The following ANKRD44 variants were observed in gnomAD, a reference collection of about 807,000 sequenced individuals.
ANKRD44 encodes the protein serine/threonine-protein phosphatase 6 regulatory ankyrin repeat subunit B.
Under a neutral mutation model 116.0 loss-of-function variants are expected in ANKRD44, and 35 were observed. That is an observed-to-expected ratio of 0.30 (90% CI 0.23 to 0.40). ANKRD44 has a LOEUF of 0.40. Ranked by LOEUF, ANKRD44 falls within the 10% of genes least tolerant of loss-of-function variation. The pLI is 1.00. For missense variants in ANKRD44, 1,014 were observed against 1,242.6 expected, an observed-to-expected ratio of 0.82 and a Z score of 2.77; for synonymous variants, 435 against 461.8, an observed-to-expected ratio of 0.94 and a Z score of 0.74.
At chr2:197,134,045 C>T (rs1254482262) in intron 4 of ANKRD44, 1 of 147,724 alleles carries the variant, frequency 6.8e-6, no homozygotes, top group Non-Finnish European at 1.5e-5. Flanking sequence ...CCTCTGCCTC[C>T]CAGGTTCAAG....
At chr2:197,287,924 G>A (rs185107205) in intron 1 of ANKRD44, among the ~76,000 whole-genome samples, 58 of 148,584 alleles carry the variant, frequency 3.9e-4, no homozygotes, top group African/African-American at 1.3e-3. Context: ...GGAGGCTGAG[G>A]CCAGAGAACC....
At chr2:197,080,510 C>T (rs1456350329) in intron 15 of ANKRD44, among the ~76,000 whole-genome samples, 1 of 152,238 alleles carries the variant, frequency 6.6e-6, no homozygotes, top group Non-Finnish European at 1.5e-5. Flanking sequence ...GCTTGTCTGG[C>T]TCAGGGCAAG....
intron 9 of ANKRD44, among the ~76,000 whole-genome samples, chr2:197,108,761 C>A (rs970843883): frequency 6.6e-6 from 1 of 152,094 alleles, no homozygotes; most frequent in Non-Finnish European, 1.5e-5. Context: ...TCGCTTGAAC[C>A]CGAGAGGCAG....
chr2:197,077,716 AG>A (rs2077700868), intron 16 of ANKRD44: 1 of 152,222 alleles, frequency 6.6e-6, no homozygotes, highest in Admixed American at 6.5e-5. Flanking sequence ...CTTTCCTGAA[AG>A]CAAACAACAG....
At chr2:196,978,899 TAAA>T (rs58172786) in intron 21 of ANKRD44, among the ~76,000 whole-genome samples, 1 of 142,026 alleles carries the variant, frequency 7.0e-6, no homozygotes. Context: ...GATATTGTTT[TAAA>T]AAAAAAAAAG....
Position 197,118,637 on chromosome 2 carries a change from GAGAAAGAA to G in ANKRD44, c.906+2687_906+2694del, listed in dbSNP as rs71012953. ...AGAAAGAGAGAGAGAGAGAGAGAGA[GAGAAAGAA>G]AGAAAGAAAGAAAGAAAGAAAGAAA... is the stretch of plus-strand genomic sequence containing the variant. On this transcript the variant is annotated intron_variant, in intron 8 of 27. Transcript: ENST00000282272. 1.4e-3 allele frequency among the ~76,000 whole-genome samples: 152 copies of G among 112,440 alleles called. 1 individual carries two copies. Among genetic ancestry groups the G allele is most frequent in the Admixed American group, 4.2e-3 (44 of 10,558 alleles). The allele number at this position is 112,440 out of a possible 152,430, so 73.8% of individuals were successfully genotyped here.
At chr2:197,161,311 A>G (rs1371520583) in intron 2 of ANKRD44, among the ~76,000 whole-genome samples, 1 of 152,180 alleles carries the variant, frequency 6.6e-6, no homozygotes, top group African/African-American at 2.4e-5. Flanking sequence ...ACACCCAGCA[A>G]AAAAACGGTC....
intron 16 of ANKRD44, among the ~76,000 whole-genome samples, chr2:197,055,445 C>T (rs4850410): frequency 0.72 from 108,827 of 152,066 alleles, 40,502 homozygotes; most frequent in East Asian, 0.86. Flanking sequence ...AAGCTTTTAA[C>T]GTTAATAGAG....
intron 21 of ANKRD44, among the ~76,000 whole-genome samples, chr2:196,980,417 A>G (rs1430124340): frequency 6.6e-6 from 1 of 152,242 alleles, no homozygotes; most frequent in Non-Finnish European, 1.5e-5. Flanking sequence ...CATTTCTGAA[A>G]AAAAGAAATT....
chr2:197,072,007 G>A lies in ANKRD44; in HGVS notation c.1650+6696C>T, dbSNP rs200735002. 1.4e-4 allele frequency among the ~76,000 whole-genome samples: 21 copies of A among 150,876 alleles called. No homozygotes were observed. The East Asian group carries it at 4.1e-3, about 30-fold the overall frequency. ...CTGCTCTGCTCAGGCTTCCCTAGTGGGTTTGTGACTGAGAGGGAGGGAGGG... is the reference window on the plus strand; with the variant it reads ...CTGCTCTGCTCAGGCTTCCCTAGTGAGTTTGTGACTGAGAGGGAGGGAGGG... On this transcript the variant is annotated intron_variant, in intron 16 of 27. Coordinates refer to ENST00000282272, the MANE Select transcript of ANKRD44 (RefSeq NM_001195144.2).
At chr2:197,227,273 T>C (rs1212249955) in intron 1 of ANKRD44, among the ~76,000 whole-genome samples, 2 of 152,218 alleles carry the variant, frequency 1.3e-5, no homozygotes, top group Non-Finnish European at 2.9e-5. Flanking sequence ...GGCAACTTCT[T>C]GAGGAAGGAA....
intron 1 of ANKRD44, among the ~76,000 whole-genome samples, chr2:197,194,577 A>AAT (rs919660098): frequency 1.3e-5 from 2 of 152,126 alleles, no homozygotes; most frequent in African/African-American, 4.8e-5. Flanking sequence ...CATGTAATAT[A>AAT]ATATATATAT....
intron 27 of ANKRD44, chr2:196,990,807 C>T (rs568991478): frequency 2.4e-6 from 3 of 1,232,062 alleles, no homozygotes; most frequent in African/African-American, 1.6e-5. Flanking sequence ...TTTTTTTAAA[C>T]AAACGAAGTT....
intron 1 of ANKRD44, among the ~76,000 whole-genome samples, chr2:197,239,278 C>T (rs2082040491): frequency 1.3e-5 from 2 of 152,214 alleles, no homozygotes; most frequent in Admixed American, 1.3e-4. Flanking sequence ...GACATGGTCT[C>T]AGTCACCCAG....
intron 1 of ANKRD44, among the ~76,000 whole-genome samples, chr2:197,242,491 C>T (rs2082110124): frequency 6.6e-6 from 1 of 152,202 alleles, no homozygotes; most frequent in Admixed American, 6.5e-5. Context: ...CCATCTCCAG[C>T]CAACCTACAA....
At chr2:196,980,676 A>G (rs1192554018) in intron 21 of ANKRD44, among the ~76,000 whole-genome samples, 1 of 152,180 alleles carries the variant, frequency 6.6e-6, no homozygotes, top group African/African-American at 2.4e-5. Flanking sequence ...GCCATCTGTC[A>G]TGTTTTCTGG....
intron 1 of ANKRD44, among the ~76,000 whole-genome samples, chr2:197,194,756 A>G (rs6711427): frequency 0.22 from 33,122 of 152,176 alleles, 3,816 homozygotes; most frequent in Middle Eastern, 0.27. Context: ...ATAGATATAG[A>G]TATAATTCCT....
intron 8 of ANKRD44, among the ~76,000 whole-genome samples, chr2:197,114,500 A>G (rs896278947): frequency 6.6e-6 from 1 of 152,246 alleles, no homozygotes; most frequent in Non-Finnish European, 1.5e-5. Context: ...AAGGAAGATT[A>G]ATCTTTGAAC....
chr2:197,270,636 T>C (rs924413854), intron 1 of ANKRD44, among the ~76,000 whole-genome samples: 6 of 152,158 alleles, frequency 3.9e-5, no homozygotes, highest in Middle Eastern at 3.2e-3. Context: ...AGCATTTAAT[T>C]GTAGGCAGTG....
Sources: allele counts gnomAD v4.1 joint callset (sites outside exome capture counted in the v4.1 genomes callset), GRCh38; gene constraint gnomAD v4.1.1; transcripts MANE v1.5; gene names NCBI Gene and HGNC (gene_info 2026-07-23, HGNC 2026-07-21).